Variants in PRKAR1A observed in about 807,000 individuals in gnomAD.
PRKAR1A encodes protein kinase cAMP-dependent type I regulatory subunit alpha.
In PRKAR1A, 3 loss-of-function variants were observed where a neutral mutation model predicts 52.0. That is an observed-to-expected ratio of 0.06 (90% CI 0.03 to 0.15). The LOEUF is 0.15. PRKAR1A is among the 10% of genes least tolerant of loss of function. The probability of loss-of-function intolerance (pLI) is 1.00; values close to 1 mark genes in which losing one functional copy is unlikely to be tolerated. For synonymous variants in PRKAR1A, 188 were observed against 168.4 expected (o/e 1.12, Z -0.90); for missense variants, 240 against 477.4 (o/e 0.50, Z 4.63).
the PRKAR1A span, among the ~76,000 whole-genome samples, chr17:68,436,993 CAAAAAAA>C: frequency 2.4e-5 from 3 of 124,672 alleles, no homozygotes; most frequent in African/African-American, 8.3e-5. Flanking sequence ...GACCCCGTCT[CAAAAAAA>C]AAAAAATATA....
chr17:68,495,606 T>C, the PRKAR1A span, among the ~76,000 whole-genome samples: 1 of 152,318 alleles, frequency 6.6e-6, no homozygotes, highest in South Asian at 2.1e-4. Context: ...AATGTTTGTA[T>C]TGCACGTGCT....
chr17:68,497,961 G>A, the PRKAR1A span, among the ~76,000 whole-genome samples: 1 of 152,134 alleles, frequency 6.6e-6, no homozygotes. Context: ...CCTTCTTCAT[G>A]GGTGCCAAAC....
At chr17:68,535,806 T>C (rs1012857669), downstream of PRKAR1A, 1 of 453,808 alleles carries the variant, frequency 2.2e-6, no homozygotes, top group African/African-American at 2.0e-5. Context: ...CATGCCCAGC[T>C]GATTTTTTTT....
At chr17:68,462,002 C>A in the PRKAR1A span, among the ~76,000 whole-genome samples, 1 of 152,138 alleles carries the variant, frequency 6.6e-6, no homozygotes, top group African/African-American at 2.4e-5. Context: ...GAGGCCCTAT[C>A]ATGTGCCCTT....
intron 1 of PRKAR1A, chr17:68,515,087 A>T: frequency 2.6e-6 from 1 of 379,914 alleles, no homozygotes; most frequent in Non-Finnish European, 4.9e-6. Context: ...AAATTCCCTT[A>T]AGGGCCTGAC....
the PRKAR1A span, chr17:68,427,414 T>G: frequency 1.9e-6 from 1 of 519,196 alleles, no homozygotes; most frequent in South Asian, 2.4e-5. Context: ...TGGAGTGCAG[T>G]GGCGCAATCT....
the PRKAR1A span, among the ~76,000 whole-genome samples, chr17:68,502,911 C>A: frequency 6.6e-6 from 1 of 152,088 alleles, no homozygotes; most frequent in South Asian, 2.1e-4. Flanking sequence ...GATAATCGAG[C>A]TGGACTTGAT....
chr17:68,480,813 A>C, the PRKAR1A span, among the ~76,000 whole-genome samples: 2 of 152,104 alleles, frequency 1.3e-5, no homozygotes, highest in Non-Finnish European at 2.9e-5. Context: ...GCCTCCCAAA[A>C]TGCTAGGTGC....
intron 6 of PRKAR1A, 70 bp downstream of exon 6, chr17:68,525,028 G>C (rs2085743000): frequency 1.5e-6 from 2 of 1,297,300 alleles, no homozygotes; most frequent in African/African-American, 2.9e-5. Context: ...CGAGCAATAA[G>C]AATAGTGATT....
At chr17:68,435,601 T>G in the PRKAR1A span, 1 of 1,612,652 alleles carries the variant, frequency 6.2e-7, no homozygotes, top group African/African-American at 1.3e-5. Flanking sequence ...GACAGAGGTG[T>G]TGGTGGGAGT....
chr17:68,439,281 T>C, the PRKAR1A span, among the ~76,000 whole-genome samples: 1 of 152,184 alleles, frequency 6.6e-6, no homozygotes. Context: ...ATTTTTATAA[T>C]AGAATATTAT....
At chr17:68,487,990 A>T in the PRKAR1A span, among the ~76,000 whole-genome samples, 1 of 152,246 alleles carries the variant, frequency 6.6e-6, no homozygotes, top group East Asian at 1.9e-4. Flanking sequence ...AAAGAGAGAG[A>T]GAGGGAATAA....
At chr17:68,439,612 A>G in the PRKAR1A span, among the ~76,000 whole-genome samples, 563 of 152,304 alleles carry the variant, frequency 3.7e-3, 6 homozygotes, top group African/African-American at 0.013. Context: ...AAACGGGTGA[A>G]TTGTATAGGA....
At chr17:68,435,155 C>T in the PRKAR1A span, among the ~76,000 whole-genome samples, 2 of 149,850 alleles carry the variant, frequency 1.3e-5, no homozygotes, top group South Asian at 4.2e-4. Flanking sequence ...TGCAGTGAGC[C>T]GAGATTGCGC....
the PRKAR1A span, chr17:68,457,523 C>T: frequency 3.7e-6 from 2 of 547,154 alleles, no homozygotes; most frequent in Non-Finnish European, 4.5e-6. Flanking sequence ...CCTGCCCCGC[C>T]CCTACCCCGC....
At position 68,522,623 on chromosome 17, in the gene PRKAR1A, T is replaced by G; in HGVS notation, c.178-133T>G. 4.2e-6 allele frequency: 4 copies of G among 957,808 alleles called. No individual in the cohort carries two copies. In the East Asian group the frequency reaches 1.0e-4, roughly 25 times the overall value. The allele number at this position is 957,808 out of a possible 1,614,324, so 59.3% of individuals were successfully genotyped here. Reference sequence around the variant, plus strand: ...CTCTTTTTTTCCCCTTTGGAATTGGTGTTTTCCTCTTAACTTACATTGTTA... The same window carrying G: ...CTCTTTTTTTCCCCTTTGGAATTGGGGTTTTCCTCTTAACTTACATTGTTA... On this transcript the variant is annotated intron_variant, in intron 2 of 10. Transcript: ENST00000589228.
the PRKAR1A span, chr17:68,433,332 T>A: frequency 1.2e-6 from 1 of 841,298 alleles, no homozygotes; most frequent in Admixed American, 2.4e-5. Context: ...TAACACACAC[T>A]CCATCACTTA....
the PRKAR1A span, chr17:68,452,986 T>C: frequency 1.2e-6 from 2 of 1,613,100 alleles, no homozygotes; most frequent in East Asian, 2.2e-5. Flanking sequence ...TTCCAGTTGC[T>C]AGGGATCTGT....
At chr17:68,421,628 A>G in the PRKAR1A span, 1 of 1,139,452 alleles carries the variant, frequency 8.8e-7, no homozygotes, top group Admixed American at 1.8e-5. Context: ...GGAGTTAACC[A>G]GGTCCTGTGG....
Sources: gnomAD v4.1 joint callset for allele counts (sites outside exome capture counted in the v4.1 genomes callset) on GRCh38, gnomAD v4.1.1 for gene constraint, MANE v1.5 for transcripts, NCBI Gene and HGNC (gene_info 2026-07-23, HGNC 2026-07-21) for gene names.